Variants in ATXN1 observed in about 807,000 individuals in gnomAD.
ATXN1 encodes ataxin 1.
Under a neutral mutation model 56.4 loss-of-function variants are expected in ATXN1, and 8 were observed. The observed-to-expected ratio is 0.14, with a 90% CI of 0.08 to 0.26. ATXN1 has a LOEUF of 0.26. ATXN1 is among the 10% of genes least tolerant of loss of function. The pLI is 1.00. For synonymous variants in ATXN1, 514 were observed against 494.6 expected, an observed-to-expected ratio of 1.04 and a Z score of -0.52; for missense variants, 987 against 1,106.5, an observed-to-expected ratio of 0.89 and a Z score of 1.53.
At chr6:16,339,109 C>T (rs977673917) in intron 6 of ATXN1, among the ~76,000 whole-genome samples, 2 of 152,114 alleles carry the variant, frequency 1.3e-5, no homozygotes, top group African/African-American at 4.8e-5. Flanking sequence ...TTCCACATCC[C>T]GCAGGGAAGG....
In ATXN1 at chr6:16,665,787, G is replaced by A. The variant is rs190230199; in HGVS notation, c.-614-7886C>T. Reference sequence around the variant, plus strand: ...CCAGAGGGAAGAGTTATCTGTGGGCGGAAAACTGTATTTACTTGGATTCTA... The same window carrying A: ...CCAGAGGGAAGAGTTATCTGTGGGCAGAAAACTGTATTTACTTGGATTCTA... On this transcript the variant is annotated intron_variant, in intron 2 of 7. Coordinates refer to ENST00000436367, the MANE Select transcript of ATXN1 (RefSeq NM_001128164.2). 9.8e-5 allele frequency among the ~76,000 whole-genome samples: 15 copies of A among 152,288 alleles called. No individual in the cohort carries two copies. The East Asian group carries it at 1.9e-3, about 20-fold the overall frequency.
intron 3 of ATXN1, among the ~76,000 whole-genome samples, chr6:16,601,263 T>C (rs1762907110): frequency 6.6e-6 from 1 of 152,374 alleles, no homozygotes; most frequent in South Asian, 2.1e-4. Flanking sequence ...GTCTAAGTTA[T>C]GTGACACAGA....
At chr6:16,431,242 G>A (rs544721571) in intron 6 of ATXN1, among the ~76,000 whole-genome samples, 1 of 152,266 alleles carries the variant, frequency 6.6e-6, no homozygotes, top group East Asian at 1.9e-4. Flanking sequence ...TATCAGGGAG[G>A]AAGAGCAGAC....
intron 6 of ATXN1, among the ~76,000 whole-genome samples, chr6:16,479,459 AT>A (rs1320900905): frequency 6.6e-6 from 1 of 152,242 alleles, no homozygotes; most frequent in Non-Finnish European, 1.5e-5. Context: ...TTTAACATGA[AT>A]TTAAGTTGGA....
At chr6:16,660,997 C>T (rs1758309115) in intron 2 of ATXN1, among the ~76,000 whole-genome samples, 1 of 151,852 alleles carries the variant, frequency 6.6e-6, no homozygotes, top group South Asian at 2.1e-4. Flanking sequence ...CACCACCACA[C>T]CCAGCTAATT....
rs536408089 is a variant in ATXN1, at chr6:16,503,153, C to CTT, written c.-298-17046_-298-17045dup. 2.8e-4 allele frequency among the ~76,000 whole-genome samples: 43 copies of CTT among 152,294 alleles called. No homozygotes were observed. The East Asian group carries it at 6.4e-3, about 23-fold the overall frequency. On this transcript the variant is annotated intron_variant, in intron 5 of 7. Transcript: ENST00000436367. ...CACAAGATAAATAAAATTGAGGCTA[C>CTT]TTACACTATCTAGTTTTATCGGTTC...
At chr6:16,692,456 A>G (rs551080095) in intron 2 of ATXN1, among the ~76,000 whole-genome samples, 1 of 152,336 alleles carries the variant, frequency 6.6e-6, no homozygotes, top group South Asian at 2.1e-4. Flanking sequence ...AGTCAGATAT[A>G]GGTAGGTACA....
rs58048762 is a variant in ATXN1, at chr6:16,402,242, GTTTTTTTTTTTTTTTTTTTTTT to G, written c.-160-73794_-160-73773del. On this transcript the variant is annotated intron_variant, in intron 6 of 7. Transcript: ENST00000436367. ...CAAGACTTCTCGCCAACCACTGACA[GTTTTTTTTTTTTTTTTTTTTTT>G]TTTTTTTTTTTTTTTTGCTTCTAGT... Among the ~76,000 whole-genome samples, 39 of 62,122 alleles carry G rather than the reference GTTTTTTTTTTTTTTTTTTTTTT, an allele frequency of 6.3e-4. 1 individual carries two copies. The highest frequency in any genetic ancestry group is 5.8e-3 in the South Asian group (10 of 1,716). The allele number at this position is 62,122 out of a possible 152,430, so 40.8% of individuals were successfully genotyped here. A position where few individuals can be genotyped will look rare whatever the true frequency, so the allele number is the denominator to read the frequency against.
intron 3 of ATXN1, among the ~76,000 whole-genome samples, chr6:16,633,474 C>T (rs183253953): frequency 2.6e-5 from 4 of 152,256 alleles, no homozygotes; most frequent in East Asian, 3.9e-4. Context: ...TCCCCAAGCA[C>T]CCACAATTCC....
At chr6:16,480,171 A>AG (rs1196601808) in intron 6 of ATXN1, among the ~76,000 whole-genome samples, 1 of 146,646 alleles carries the variant, frequency 6.8e-6, no homozygotes, top group Non-Finnish European at 1.5e-5. Flanking sequence ...AAAAAAAAAA[A>AG]AAAAAATATC....
At chr6:16,702,538 G>A (rs541073521) in intron 2 of ATXN1, among the ~76,000 whole-genome samples, 11 of 152,354 alleles carry the variant, frequency 7.2e-5, no homozygotes, top group African/African-American at 2.6e-4. Flanking sequence ...TACCATCGGA[G>A]TGAACAGGCA....
At chr6:16,411,388 C>G (rs144034010) in intron 6 of ATXN1, among the ~76,000 whole-genome samples, 1 of 151,950 alleles carries the variant, frequency 6.6e-6, no homozygotes, top group African/African-American at 2.4e-5. Context: ...ATCTGTAGTA[C>G]ATTAGTAAGT....
intron 6 of ATXN1, among the ~76,000 whole-genome samples, chr6:16,413,625 G>A (rs1378778221): frequency 4.6e-5 from 7 of 152,134 alleles, no homozygotes; most frequent in Admixed American, 3.9e-4. Flanking sequence ...TGAAACTGAC[G>A]AGCCCATACT....
chr6:16,456,226 C>T (rs968595987), intron 6 of ATXN1, among the ~76,000 whole-genome samples: 1 of 152,192 alleles, frequency 6.6e-6, no homozygotes, highest in African/African-American at 2.4e-5. Context: ...CATGAATCCA[C>T]CGGCTGGAAC....
At chr6:16,396,878 T>C (rs1176006988) in intron 6 of ATXN1, among the ~76,000 whole-genome samples, 1 of 152,250 alleles carries the variant, frequency 6.6e-6, no homozygotes, top group African/African-American at 2.4e-5. Flanking sequence ...GCCTACAGTA[T>C]TCAGTACAGT....
intron 2 of ATXN1, among the ~76,000 whole-genome samples, chr6:16,751,457 C>T (rs1760716134): frequency 6.6e-6 from 1 of 152,184 alleles, no homozygotes; most frequent in African/African-American, 2.4e-5. Flanking sequence ...CACCTTGTCC[C>T]CCACTGGGAC....
chr6:16,704,909 G>A (rs557927915), intron 2 of ATXN1, among the ~76,000 whole-genome samples: 2 of 152,246 alleles, frequency 1.3e-5, no homozygotes, highest in East Asian at 3.9e-4. Flanking sequence ...AGGGGGAGGG[G>A]GCACAGTGCA....
chr6:16,515,811 G>A (rs1159191498), intron 5 of ATXN1, among the ~76,000 whole-genome samples: 6 of 152,328 alleles, frequency 3.9e-5, no homozygotes, highest in African/African-American at 7.2e-5. Flanking sequence ...TGAGAGAAGC[G>A]GATGCAGGAG....
chr6:16,459,565 C>G (rs947051647), intron 6 of ATXN1, among the ~76,000 whole-genome samples: 1 of 152,178 alleles, frequency 6.6e-6, no homozygotes, highest in African/African-American at 2.4e-5. Flanking sequence ...ATACCCTGCT[C>G]TCTCAAATAC....
Sources: allele counts gnomAD v4.1 joint callset (sites outside exome capture counted in the v4.1 genomes callset), GRCh38; gene constraint gnomAD v4.1.1; transcripts MANE v1.5; gene names NCBI Gene and HGNC (gene_info 2026-07-23, HGNC 2026-07-21).